Variants in ADAMTSL3 observed in about 807,000 individuals in gnomAD.
ADAMTSL3 encodes ADAMTS-like protein 3.
A neutral mutation model predicts 201.7 loss-of-function variants in ADAMTSL3; 128 were observed. The ratio of observed to expected loss-of-function variants is 0.63; its 90% CI spans 0.55 to 0.73. ADAMTSL3 has a LOEUF of 0.73. Ranked by LOEUF, ADAMTSL3 falls within the 30% of genes least tolerant of loss-of-function variation. ADAMTSL3 has a pLI of 0.00. For missense variants in ADAMTSL3, 1,990 were observed against 2,119.6 expected (o/e 0.94, Z 1.20); for synonymous variants, 738 against 748.4 (o/e 0.99, Z 0.23).
intron 4 of ADAMTSL3, among the ~76,000 whole-genome samples, chr15:83,780,284 C>A (rs777571784): frequency 6.6e-6 from 1 of 151,878 alleles, no homozygotes; most frequent in African/African-American, 2.4e-5. Flanking sequence ...GTGGCGGGCA[C>A]CTGTAATGCC....
rs1305026027 is a variant in ADAMTSL3 at position 83,884,338 on chromosome 15, C to CCTTTTTTTTTT, written c.961-763_961-762insCTTTTTTTTTT. 2.6e-5 allele frequency among the ~76,000 whole-genome samples: 3 copies of CCTTTTTTTTTT among 114,486 alleles called. 1 individual carries two copies. The highest frequency in any genetic ancestry group is 1.0e-4 in the African/African-American group (3 of 28,892). 75.1% of individuals were successfully genotyped at this position (114,486 alleles called of 152,430 possible). A position where few individuals can be genotyped will look rare whatever the true frequency, so the allele number is the denominator to read the frequency against. On this transcript the variant is annotated intron_variant, in intron 9 of 29. Coordinates refer to ENST00000286744, the MANE Select transcript of ADAMTSL3 (RefSeq NM_207517.3). ...TGTTACCTCATTGGTGCCCTATTTC[C>CCTTTTTTTTTT]TTTTTTTTTTTTTTTTTTTTTTGAG...
chr15:83,714,761 C>CTCTCTTTCTTTCTTTCTTTCTTTCTT (rs2061979666), intron 3 of ADAMTSL3, among the ~76,000 whole-genome samples: 4 of 41,454 alleles, frequency 9.6e-5, no homozygotes, highest in Admixed American at 4.5e-4. Flanking sequence ...CTTCCCTTTT[C>CTCTCTTTCTTTCTTTCTTTCTTTCTT]TCTTTCTTTC....
chr15:83,926,615 T>C, intron 17 of ADAMTSL3, among the ~76,000 whole-genome samples: 1 of 4,614 alleles, frequency 2.2e-4, no homozygotes, highest in East Asian at 0.025. Context: ...ACTAACAACT[T>C]TTTTTTTTTT....
intron 3 of ADAMTSL3, among the ~76,000 whole-genome samples, chr15:83,724,211 G>A (rs569123925): frequency 5.3e-5 from 8 of 151,864 alleles, no homozygotes; most frequent in Admixed American, 2.6e-4. Context: ...TGATTCTCCC[G>A]TCTCAGCCTC....
intron 5 of ADAMTSL3, 108 bp from the exon 6 acceptor site, chr15:83,819,703 G>T: frequency 5.0e-6 from 4 of 807,364 alleles, no homozygotes; most frequent in Non-Finnish European, 8.2e-6. Context: ...GACTCCCAGA[G>T]AGAGGCAAGT....
At chr15:83,704,014 A>AC (rs1850697297) in intron 2 of ADAMTSL3, among the ~76,000 whole-genome samples, 1 of 151,572 alleles carries the variant, frequency 6.6e-6, no homozygotes, top group South Asian at 2.1e-4. Flanking sequence ...AAAAAAAAAA[A>AC]AAAACACAAA....
At chr15:83,676,873 T>C (rs776563749) in intron 2 of ADAMTSL3, among the ~76,000 whole-genome samples, 2 of 152,202 alleles carry the variant, frequency 1.3e-5, no homozygotes, top group African/African-American at 2.4e-5. Flanking sequence ...GAGTAGGCCC[T>C]CACCAGATAC....
intron 23 of ADAMTSL3, among the ~76,000 whole-genome samples, chr15:84,004,731 A>G (rs1156481622): frequency 6.6e-6 from 1 of 152,244 alleles, no homozygotes; most frequent in African/African-American, 2.4e-5. Context: ...AGGTTCACAC[A>G]GGAGAAATCA....
intron 4 of ADAMTSL3, among the ~76,000 whole-genome samples, chr15:83,781,608 C>T (rs922033374): frequency 8.5e-5 from 13 of 152,086 alleles, no homozygotes; most frequent in African/African-American, 3.1e-4. Context: ...AAAATGACAT[C>T]TAATTAAACT....
At chr15:83,696,502 G>C (rs2061690455) in intron 2 of ADAMTSL3, among the ~76,000 whole-genome samples, 1 of 152,228 alleles carries the variant, frequency 6.6e-6, no homozygotes, top group African/African-American at 2.4e-5. Context: ...TCAGGGCTTT[G>C]CCTTCTTGGC....
At chr15:83,673,203 T>G (rs1461839256) in intron 2 of ADAMTSL3, among the ~76,000 whole-genome samples, 1 of 152,240 alleles carries the variant, frequency 6.6e-6, no homozygotes, top group Admixed American at 6.5e-5. Context: ...TGGTGGGTCT[T>G]TAGCAGTGCG....
chr15:83,837,478 T>TTA (rs773098328), intron 6 of ADAMTSL3, among the ~76,000 whole-genome samples: 19 of 152,034 alleles, frequency 1.2e-4, no homozygotes, highest in Non-Finnish European at 2.5e-4. Context: ...TCTGTTTATT[T>TTA]TATATATATA....
chr15:83,834,404 C>T (rs943758987), intron 6 of ADAMTSL3, among the ~76,000 whole-genome samples: 1 of 152,096 alleles, frequency 6.6e-6, no homozygotes, highest in African/African-American at 2.4e-5. Flanking sequence ...GCTCCATATA[C>T]TCTGATTTTT....
intron 19 of ADAMTSL3, chr15:83,961,456 C>T (rs1596470153): frequency 1.3e-5 from 2 of 152,178 alleles, no homozygotes; most frequent in South Asian, 4.1e-4. Flanking sequence ...ATCTGCAAGT[C>T]ATAATAGCAC....
chr15:83,904,661 A>G (rs1227749548), intron 15 of ADAMTSL3, among the ~76,000 whole-genome samples: 1 of 152,206 alleles, frequency 6.6e-6, no homozygotes, highest in Non-Finnish European at 1.5e-5. Flanking sequence ...TCAGCTGTGG[A>G]ATGTGTTGAC....
At chr15:83,688,643 C>T (rs906558979) in intron 2 of ADAMTSL3, among the ~76,000 whole-genome samples, 1 of 151,508 alleles carries the variant, frequency 6.6e-6, no homozygotes, top group Non-Finnish European at 1.5e-5. Context: ...TCTGTGTTTA[C>T]TCATTTTCCT....
At chr15:83,829,516 C>T (rs2064106509) in intron 6 of ADAMTSL3, among the ~76,000 whole-genome samples, 2 of 152,068 alleles carry the variant, frequency 1.3e-5, no homozygotes, top group Admixed American at 1.3e-4. Context: ...TTTTTTATGT[C>T]TCTATCTCCT....
chr15:83,967,434 T>A (rs2067110328), intron 19 of ADAMTSL3, among the ~76,000 whole-genome samples: 1 of 152,088 alleles, frequency 6.6e-6, no homozygotes, highest in African/African-American at 2.4e-5. Context: ...TCACAATTGC[T>A]ACAAAGAGAA....
chr15:83,907,142 G>A (rs1278651035), intron 15 of ADAMTSL3, among the ~76,000 whole-genome samples: 1 of 148,958 alleles, frequency 6.7e-6, no homozygotes, highest in Non-Finnish European at 1.5e-5. Flanking sequence ...TAAAAGGAAA[G>A]TTTAATCCAT....
Sources: allele counts gnomAD v4.1 joint callset (sites outside exome capture counted in the v4.1 genomes callset), GRCh38; gene constraint gnomAD v4.1.1; transcripts MANE v1.5; gene names NCBI Gene and HGNC (gene_info 2026-07-23, HGNC 2026-07-21).